Variants in ELMO1 observed in about 807,000 individuals in gnomAD.
The protein encoded by ELMO1 is engulfment and cell motility 1, also known as engulfment and cell motility protein 1.
In ELMO1, 26 loss-of-function variants were observed where a neutral mutation model predicts 98.9. The ratio of observed to expected loss-of-function variants is 0.26; its 90% CI spans 0.19 to 0.36. ELMO1 has a LOEUF of 0.36. Ranked by LOEUF, ELMO1 falls within the 10% of genes least tolerant of loss-of-function variation. The probability of loss-of-function intolerance (pLI) is 1.00; values close to 1 mark genes in which losing one functional copy is unlikely to be tolerated. For missense variants in ELMO1, 627 were observed against 935.2 expected, an observed-to-expected ratio of 0.67 and a Z score of 4.30; for synonymous variants, 346 against 346.0, an observed-to-expected ratio of 1.00 and a Z score of 0.00.
intron 4 of ELMO1, among the ~76,000 whole-genome samples, chr7:37,277,640 T>C (rs1318081934): frequency 1.3e-5 from 2 of 152,184 alleles, no homozygotes; most frequent in South Asian, 2.1e-4. Flanking sequence ...CCGGCATATC[T>C]GTCCACAGAT....
intron 15 of ELMO1, among the ~76,000 whole-genome samples, chr7:37,039,902 A>C (rs1795403913): frequency 6.6e-6 from 1 of 152,358 alleles, no homozygotes; most frequent in Admixed American, 6.5e-5. Context: ...AAACTTCTTA[A>C]ATTTTACTCA....
At chr7:37,062,288 G>A (rs775581288) in intron 15 of ELMO1, among the ~76,000 whole-genome samples, 3 of 152,286 alleles carry the variant, frequency 2.0e-5, no homozygotes, top group Non-Finnish European at 4.4e-5. Flanking sequence ...AAATGAGAAT[G>A]AGCCCAGCAT....
At chr7:37,092,199 G>T (rs1197000095) in intron 15 of ELMO1, among the ~76,000 whole-genome samples, 1 of 151,760 alleles carries the variant, frequency 6.6e-6, no homozygotes, top group East Asian at 1.9e-4. Flanking sequence ...AATAAAGCAG[G>T]TTAAAAAGAA....
At chr7:37,304,288 C>G (rs985760964) in intron 4 of ELMO1, among the ~76,000 whole-genome samples, 2 of 152,134 alleles carry the variant, frequency 1.3e-5, no homozygotes, top group Admixed American at 6.5e-5. Context: ...CTGGCTGAAG[C>G]CCAATGCCAG....
chr7:37,160,795 C>A (rs1563044946), intron 13 of ELMO1, among the ~76,000 whole-genome samples: 1 of 152,130 alleles, frequency 6.6e-6, no homozygotes, highest in Non-Finnish European at 1.5e-5. Flanking sequence ...GCCAAAGAGC[C>A]TGGACCTTCA....
intron 13 of ELMO1, among the ~76,000 whole-genome samples, chr7:37,170,730 G>A (rs572195171): frequency 4.0e-4 from 60 of 150,532 alleles, no homozygotes; most frequent in Admixed American, 8.0e-4. Flanking sequence ...CCTCAGCCTC[G>A]CAAGTAGCTG....
chr7:37,336,704 G>A (rs371828327), intron 2 of ELMO1, among the ~76,000 whole-genome samples: 2 of 152,132 alleles, frequency 1.3e-5, no homozygotes, highest in South Asian at 4.2e-4. Context: ...TTTGCCGAGC[G>A]TAACCGAGAG....
intron 14 of ELMO1, among the ~76,000 whole-genome samples, chr7:37,132,642 C>A (rs544991823): frequency 7.9e-5 from 12 of 152,202 alleles, no homozygotes; most frequent in Non-Finnish European, 1.5e-4. Flanking sequence ...CCTTCTGCTC[C>A]ACCCACAAAT....
chr7:37,034,405 T>A (rs114347206), intron 15 of ELMO1, among the ~76,000 whole-genome samples: 2,452 of 152,172 alleles, frequency 0.016, 78 homozygotes, highest in African/African-American at 0.056. Context: ...ATGATTTTTT[T>A]AAAAAATTAT....
intron 16 of ELMO1, among the ~76,000 whole-genome samples, chr7:36,979,176 G>C (rs1398535994): frequency 6.6e-6 from 1 of 152,094 alleles, no homozygotes; most frequent in Non-Finnish European, 1.5e-5. Context: ...AAAGTAGAGA[G>C]AAACTTCCAT....
chr7:37,286,411 T>C (rs1344998119), intron 4 of ELMO1, among the ~76,000 whole-genome samples: 1 of 152,172 alleles, frequency 6.6e-6, no homozygotes, highest in Non-Finnish European at 1.5e-5. Flanking sequence ...TGGCAAGCAA[T>C]AGGTGCTCAG....
chr7:37,072,288 T>C (rs944384162), intron 15 of ELMO1, among the ~76,000 whole-genome samples: 3 of 152,130 alleles, frequency 2.0e-5, no homozygotes, highest in Admixed American at 6.5e-5. Flanking sequence ...TGGGAAGTAA[T>C]TGAATCATGG....
chr7:37,373,498 A>G (rs1196825454), intron 1 of ELMO1, among the ~76,000 whole-genome samples: 1 of 151,936 alleles, frequency 6.6e-6, no homozygotes, highest in Non-Finnish European at 1.5e-5. Context: ...AATCCCAGCT[A>G]CTCAGGAGGC....
intron 15 of ELMO1, among the ~76,000 whole-genome samples, chr7:37,041,093 T>C (rs968518391): frequency 1.3e-5 from 2 of 151,348 alleles, no homozygotes; most frequent in African/African-American, 4.9e-5. Flanking sequence ...AAATATATAA[T>C]AATAAAATAA....
chr7:37,137,979 T>C (rs551875368), intron 13 of ELMO1, among the ~76,000 whole-genome samples: 12 of 152,262 alleles, frequency 7.9e-5, no homozygotes, highest in South Asian at 4.1e-4. Flanking sequence ...TCCTGAATGA[T>C]CACTGGGTCA....
At chr7:37,045,331 A>G (rs1010523543) in intron 15 of ELMO1, among the ~76,000 whole-genome samples, 1 of 152,246 alleles carries the variant, frequency 6.6e-6, no homozygotes, top group Non-Finnish European at 1.5e-5. Context: ...ATGGGAACTC[A>G]GTGTGCTCTC....
intron 1 of ELMO1, among the ~76,000 whole-genome samples, chr7:37,391,483 T>C (rs995687564): frequency 2.0e-5 from 3 of 152,222 alleles, no homozygotes; most frequent in Admixed American, 1.3e-4. Context: ...ATATAAAATA[T>C]AAAATTACAC....
At chr7:37,187,427 T>C (rs914152768) in intron 13 of ELMO1, among the ~76,000 whole-genome samples, 10 of 152,190 alleles carry the variant, frequency 6.6e-5, no homozygotes, top group Non-Finnish European at 1.0e-4. Flanking sequence ...CTGTACATTT[T>C]AGATGAGTGA....
chr7:37,104,828 A>G (rs563982549), intron 14 of ELMO1, among the ~76,000 whole-genome samples: 1 of 152,300 alleles, frequency 6.6e-6, no homozygotes, highest in Non-Finnish European at 1.5e-5. Flanking sequence ...AGAATGTATT[A>G]ATATAATGAG....
Sources: allele counts gnomAD v4.1 joint callset (sites outside exome capture counted in the v4.1 genomes callset), GRCh38; gene constraint gnomAD v4.1.1; transcripts MANE v1.5; gene names NCBI Gene and HGNC (gene_info 2026-07-23, HGNC 2026-07-21).